The following SPIRE1 variants were observed in gnomAD, a reference collection of about 807,000 sequenced individuals.
SPIRE1 encodes spire type actin nucleation factor 1, also known as protein spire homolog 1.
Under a neutral mutation model 94.1 loss-of-function variants are expected in SPIRE1, and 40 were observed. That is an observed-to-expected ratio of 0.43 (90% CI 0.33 to 0.55). The LOEUF (loss-of-function observed/expected upper bound fraction) is 0.55, where lower values mean the gene tolerates loss of function less well. Among genes scored for constraint, SPIRE1 ranks in the 20% least tolerant of loss-of-function variants. SPIRE1 has a pLI of 0.06. For synonymous variants in SPIRE1, 376 were observed against 371.7 expected (o/e 1.01, Z -0.13); for missense variants, 838 against 975.2 (o/e 0.86, Z 1.87).
chr18:12,565,383 T>C (rs1323985959), intron 2 of SPIRE1, among the ~76,000 whole-genome samples: 1 of 152,200 alleles, frequency 6.6e-6, no homozygotes, highest in South Asian at 2.1e-4. Context: ...TTTTTTTTCT[T>C]TTTTCCATTG....
chr18:12,545,458 G>A (rs970189699), intron 3 of SPIRE1, among the ~76,000 whole-genome samples: 7 of 152,116 alleles, frequency 4.6e-5, no homozygotes, highest in Admixed American at 3.9e-4. Context: ...CTATATTCCT[G>A]TCTCTGAAAC....
chr18:12,608,112 C>T (rs915142440), intron 2 of SPIRE1, among the ~76,000 whole-genome samples: 6 of 149,962 alleles, frequency 4.0e-5, no homozygotes, highest in Non-Finnish European at 5.9e-5. Context: ...GAGCCGAGAT[C>T]GCGCCACTGC....
chr18:12,614,062 C>T (rs2037217125), intron 2 of SPIRE1, among the ~76,000 whole-genome samples: 1 of 152,116 alleles, frequency 6.6e-6, no homozygotes, highest in African/African-American at 2.4e-5. Context: ...GAGTTCAAGA[C>T]CAGCCAGGAC....
At chr18:12,586,095 C>T (rs1478380909) in intron 2 of SPIRE1, among the ~76,000 whole-genome samples, 3 of 152,060 alleles carry the variant, frequency 2.0e-5, no homozygotes, top group African/African-American at 4.8e-5. Flanking sequence ...TGGCTACAGG[C>T]GTGTGCCATC....
chr18:12,449,745 A>C lies in SPIRE1; in HGVS notation c.2164T>G (p.Leu722Val), dbSNP rs1345623509. The part of the protein sequence containing the change: ...IISSSRRSLV[L>V]ANKRARLKRK... ...TTCAATCGGGCCCTTTTGTTGGCCA[A>C]CACCAGACTGCGCCGGCTTGAACTG... Residue 722 changes from leucine (L) to valine (V), a missense_variant, in exon 17 of 17, where the codon TTG (leucine) becomes GTG (valine). By Grantham distance (32) the Leu-to-Val change is conservative. This residue lies in a region of SPIRE1 where 645 missense variants were observed against 804.7 expected (regional missense o/e 0.80). Transcript: ENST00000409402. 6.2e-7 allele frequency: 1 copy of C among 1,614,174 alleles called. No individual in the cohort carries two copies. The highest frequency in any genetic ancestry group is 1.7e-5 in the Admixed American group (1 of 60,024).
At chr18:12,653,415 A>G (rs2038435809) in intron 1 of SPIRE1, 2 of 152,210 alleles carry the variant, frequency 1.3e-5, no homozygotes, top group South Asian at 4.1e-4. Context: ...CACTTGACAT[A>G]TATTATCCTC....
chr18:12,514,077 C>T (rs1053183079), intron 4 of SPIRE1, among the ~76,000 whole-genome samples: 5 of 152,064 alleles, frequency 3.3e-5, no homozygotes, highest in Middle Eastern at 3.2e-3. Flanking sequence ...CGTCAGCTTG[C>T]GATCCCCTTG....
At chr18:12,646,327 T>C (rs1281431302) in intron 1 of SPIRE1, among the ~76,000 whole-genome samples, 4 of 152,180 alleles carry the variant, frequency 2.6e-5, no homozygotes, top group Non-Finnish European at 4.4e-5. Flanking sequence ...CATAGTTTTC[T>C]AAACATCTTT....
intron 2 of SPIRE1, among the ~76,000 whole-genome samples, chr18:12,571,200 G>A (rs1332418949): frequency 2.6e-5 from 4 of 151,928 alleles, no homozygotes; most frequent in Non-Finnish European, 5.9e-5. Context: ...TTAGCCTCCC[G>A]AGTAGCTGGG....
At chr18:12,530,773 AAT>A (rs1469111333) in intron 4 of SPIRE1, among the ~76,000 whole-genome samples, 1 of 152,222 alleles carries the variant, frequency 6.6e-6, no homozygotes, top group Non-Finnish European at 1.5e-5. Context: ...ATAAATAAAA[AAT>A]GAGTTATTTG....
rs869122444 is a variant in SPIRE1, at chr18:12,549,439, G to GTTTTTT, written c.373-2541_373-2536dup. ...CTTTTTGTTTGTTTTTGTTATTGTTGTTTTTTTTTTTTTTTTTTTTTTTTT... is the reference window on the plus strand; with the variant it reads ...CTTTTTGTTTGTTTTTGTTATTGTTGTTTTTTTTTTTTTTTTTTTTTTTTTTTTTTT... On this transcript the variant is annotated intron_variant, in intron 2 of 16. Transcript: ENST00000409402. Among the ~76,000 whole-genome samples, 119 of 41,246 alleles carry GTTTTTT rather than the reference G, an allele frequency of 2.9e-3. 12 individuals are homozygous for GTTTTTT. Among genetic ancestry groups the GTTTTTT allele is most frequent in the Non-Finnish European group, 3.4e-3 (89 of 25,936 alleles). 27.1% of individuals were successfully genotyped at this position (41,246 alleles called of 152,430 possible).
chr18:12,604,868 T>A (rs1358471139), intron 2 of SPIRE1, among the ~76,000 whole-genome samples: 5 of 152,136 alleles, frequency 3.3e-5, no homozygotes, highest in Non-Finnish European at 7.4e-5. Context: ...ACCAAACAGA[T>A]GGATAAACAA....
intron 8 of SPIRE1, among the ~76,000 whole-genome samples, chr18:12,490,610 C>T (rs565490024): frequency 6.6e-6 from 1 of 152,012 alleles, no homozygotes. Context: ...GGGATTCATC[C>T]CTGGGATGCA....
chr18:12,513,724 T>C (rs113453897), intron 4 of SPIRE1, among the ~76,000 whole-genome samples: 7,583 of 152,180 alleles, frequency 0.05, 275 homozygotes, highest in Admixed American at 0.085. Context: ...GGTTTCTCCA[T>C]GTCGGTCAGG....
chr18:12,619,744 G>A (rs770279554), intron 2 of SPIRE1, among the ~76,000 whole-genome samples: 1 of 151,030 alleles, frequency 6.6e-6, no homozygotes, highest in Non-Finnish European at 1.5e-5. Context: ...TACTCAGGAG[G>A]CTGAGGCAGG....
chr18:12,613,495 C>T (rs1164236970), intron 2 of SPIRE1, among the ~76,000 whole-genome samples: 1 of 152,180 alleles, frequency 6.6e-6, no homozygotes. Flanking sequence ...AATGTAGCTA[C>T]AGAACACTTG....
chr18:12,646,468 T>C (rs2038228615), intron 1 of SPIRE1, among the ~76,000 whole-genome samples: 1 of 152,156 alleles, frequency 6.6e-6, no homozygotes, highest in Admixed American at 6.5e-5. Context: ...CACTCAAATA[T>C]TGGTGAAATG....
intron 2 of SPIRE1, among the ~76,000 whole-genome samples, chr18:12,634,165 G>A (rs1018895436): frequency 4.9e-4 from 74 of 151,930 alleles, no homozygotes; most frequent in Admixed American, 1.2e-3. Context: ...GGAGAATGGC[G>A]TGAACCCGGG....
At chr18:12,590,594 G>A (rs1040110438) in intron 2 of SPIRE1, among the ~76,000 whole-genome samples, 1 of 151,760 alleles carries the variant, frequency 6.6e-6, no homozygotes, top group African/African-American at 2.4e-5. Context: ...GTATAAAAGT[G>A]TCCTGAGCCT....
Sources: allele counts gnomAD v4.1 joint callset (sites outside exome capture counted in the v4.1 genomes callset), GRCh38; gene constraint gnomAD v4.1.1; regional missense constraint gnomAD v4.1.1; transcripts MANE v1.5; gene names NCBI Gene and HGNC (gene_info 2026-07-23, HGNC 2026-07-21).